CERKL: variants seen among roughly 807,000 people sequenced by gnomAD.
CERKL encodes CERK like autophagy regulator.
In CERKL, 61 loss-of-function variants were observed where a neutral mutation model predicts 63.4. The observed-to-expected ratio is 0.96, with a 90% CI of 0.78 to 1.19. The LOEUF (loss-of-function observed/expected upper bound fraction) is 1.19. CERKL is among the 50% of genes most tolerant of loss of function. The pLI is 0.00. For missense variants in CERKL, 675 were observed against 655.5 expected (o/e 1.03, Z -0.33); for synonymous variants, 250 against 230.5 (o/e 1.08, Z -0.77).
chr2:181,601,683 G>T (rs1414338224), intron 2 of CERKL, among the ~76,000 whole-genome samples: 1 of 152,224 alleles, frequency 6.6e-6, no homozygotes, highest in Admixed American at 6.5e-5. Flanking sequence ...GTCTTTGTGG[G>T]GAGTAGGATA....
At chr2:181,610,474 A>C (rs975142430) in intron 1 of CERKL, among the ~76,000 whole-genome samples, 6 of 152,232 alleles carry the variant, frequency 3.9e-5, no homozygotes, top group African/African-American at 1.4e-4. Context: ...TTATAATAAC[A>C]AAAGTATCTG....
intron 3 of CERKL, among the ~76,000 whole-genome samples, chr2:181,571,185 T>C (rs1688887500): frequency 6.6e-6 from 1 of 152,204 alleles, no homozygotes; most frequent in Admixed American, 6.6e-5. Context: ...TTTTCATAAA[T>C]ATTGAGCCAA....
At position 181,618,394 on chromosome 2, in the gene CERKL, G is replaced by T. The variant is rs557156281; in HGVS notation, c.239-14315C>A. Among the ~76,000 whole-genome samples the T allele has an allele frequency of 4.6e-5, 7 of 151,736 alleles. No individual in the cohort carries two copies. In the East Asian group the frequency reaches 1.4e-3, roughly 29 times the overall value. On this transcript the variant is annotated intron_variant, in intron 1 of 12. Coordinates refer to ENST00000410087, the MANE Select transcript of CERKL (RefSeq NM_201548.5). ...TATGTTATTTATGTTAATATGCAAT[G>T]AACTTACTGTTATTTTTATTTTTAT...
intron 1 of CERKL, among the ~76,000 whole-genome samples, chr2:181,613,029 C>T (rs1686038810): frequency 6.6e-6 from 1 of 152,110 alleles, no homozygotes; most frequent in Non-Finnish European, 1.5e-5. Flanking sequence ...AAGACGTAGT[C>T]TCTTAGTGAT....
chr2:181,617,465 G>A (rs1686247768), intron 1 of CERKL: 1 of 152,186 alleles, frequency 6.6e-6, no homozygotes, highest in Admixed American at 6.5e-5. Context: ...CAAAGCAACT[G>A]AGAGCTTTGT....
intron 1 of CERKL, among the ~76,000 whole-genome samples, chr2:181,607,871 G>A (rs1685783985): frequency 6.6e-6 from 1 of 152,178 alleles, no homozygotes; most frequent in Non-Finnish European, 1.5e-5. Flanking sequence ...CTTCACATAG[G>A]TGAATGCATA....
At chr2:181,538,294 T>A (rs554779592) in intron 12 of CERKL, 50 bp from the exon 13 acceptor site, 4 of 1,069,580 alleles carry the variant, frequency 3.7e-6, no homozygotes, top group African/African-American at 3.1e-5. Context: ...GTTTTTCACA[T>A]ACACCTAATA....
rs150781604 is a variant in CERKL at position 181,626,410 on chromosome 2, G to A, written c.239-22331C>T. On this transcript the variant is annotated intron_variant, in intron 1 of 12. Transcript: ENST00000410087. ...AAGGCACAGGAAGGAAAGAACAGCC[G>A]CCATTGAGATGGTGGCTCTGGTCAG... 3.3e-5 allele frequency among the ~76,000 whole-genome samples: 5 copies of A among 152,150 alleles called. No individual in the cohort carries two copies. The East Asian group carries it at 7.7e-4, about 24-fold the overall frequency.
At chr2:181,568,597 C>G (rs1447011224) in intron 3 of CERKL, among the ~76,000 whole-genome samples, 1 of 151,752 alleles carries the variant, frequency 6.6e-6, no homozygotes, top group Non-Finnish European at 1.5e-5. Flanking sequence ...ATCTAAAATC[C>G]AAAACGCTTC....
chr2:181,603,000 T>C (rs1685520736), intron 2 of CERKL: 1 of 161,334 alleles, frequency 6.2e-6, no homozygotes, highest in Non-Finnish European at 1.4e-5. Context: ...TACTTATGAA[T>C]TTTATTTAGT....
intron 5 of CERKL, among the ~76,000 whole-genome samples, chr2:181,557,018 G>T (rs1318201839): frequency 6.6e-6 from 1 of 152,136 alleles, no homozygotes; most frequent in South Asian, 2.1e-4. Flanking sequence ...TTTTTCATGT[G>T]TCTTTTGGCT....
rs200988565 is a variant in CERKL, at chr2:181,537,498, C to G, written c.*686G>C. On this transcript the variant is annotated 3_prime_UTR_variant, in exon 13 of 13. Transcript: ENST00000410087. ...ACAGGGATGGGTTATTCTTTTTTGG[C>G]AGGTAGGCTATATAACTATGTGATT... is the stretch of plus-strand genomic sequence containing the variant. 1 of 453,374 alleles carries G rather than the reference C, an allele frequency of 2.2e-6. No individual in the cohort carries two copies. Among genetic ancestry groups the G allele is most frequent in the Non-Finnish European group, 4.4e-6 (1 of 226,470 alleles). 28.1% of individuals were successfully genotyped at this position (453,374 alleles called of 1,614,324 possible). A position where few individuals can be genotyped will look rare whatever the true frequency, so the allele number is the denominator to read the frequency against.
At chr2:181,547,560 T>TG in intron 10 of CERKL, 58 bp downstream of exon 10, 1 of 1,407,878 alleles carries the variant, frequency 7.1e-7, no homozygotes, top group Non-Finnish European at 1.0e-6. Flanking sequence ...TTGGATACCC[T>TG]GGAAAAAAAA....
intron 5 of CERKL, among the ~76,000 whole-genome samples, 193 bp from the exon 6 acceptor site, chr2:181,549,901 T>G (rs1246375498): frequency 6.6e-6 from 1 of 152,232 alleles, no homozygotes; most frequent in East Asian, 1.9e-4. Flanking sequence ...ATCAAATGTC[T>G]ACACATTTGT....
intron 2 of CERKL, among the ~76,000 whole-genome samples, chr2:181,594,340 A>T (rs1237598317): frequency 6.6e-6 from 1 of 152,170 alleles, no homozygotes; most frequent in Non-Finnish European, 1.5e-5. Context: ...AGTGCCAGGA[A>T]CATATAAAAG....
rs879492418 is a variant in CERKL at position 181,550,825 on chromosome 2, T to C, written c.821-1117A>G. On this transcript the variant is annotated intron_variant, in intron 5 of 12. Coordinates refer to ENST00000410087, the MANE Select transcript of CERKL (RefSeq NM_201548.5). This position sits in a 1 kb window ranked among gnomAD's most constrained non-coding sequence, Gnocchi z 4.5. ...TAAGAATAAGCATATTTAATTATTATTAATTATAAATAAGCACAATTACTT... is the reference window on the plus strand; with the variant it reads ...TAAGAATAAGCATATTTAATTATTACTAATTATAAATAAGCACAATTACTT... 6.6e-5 allele frequency among the ~76,000 whole-genome samples: 10 copies of C among 152,144 alleles called. No homozygotes were observed. The highest frequency in any genetic ancestry group is 1.4e-4 in the African/African-American group (6 of 41,452).
chr2:181,624,660 C>A (rs1405657242), intron 1 of CERKL, among the ~76,000 whole-genome samples: 3 of 152,132 alleles, frequency 2.0e-5, no homozygotes, highest in Non-Finnish European at 4.4e-5. Flanking sequence ...CAAGTGGTGA[C>A]AATGATGCTG....
chr2:181,629,853 A>G (rs1462868085), intron 1 of CERKL, among the ~76,000 whole-genome samples: 2 of 151,830 alleles, frequency 1.3e-5, no homozygotes, highest in Non-Finnish European at 2.9e-5. Context: ...AATGTAAAAA[A>G]TTACCCATCT....
intron 1 of CERKL, among the ~76,000 whole-genome samples, chr2:181,621,707 A>G (rs188090403): frequency 5.9e-5 from 9 of 152,358 alleles, no homozygotes; most frequent in Non-Finnish European, 1.3e-4. Context: ...ATTTTGGAGA[A>G]AACATAAACA....
Sources: gnomAD v4.1 joint callset for allele counts (sites outside exome capture counted in the v4.1 genomes callset) on GRCh38, gnomAD v4.1.1 for gene constraint, Gnocchi (gnomAD v3.1) non-coding constraint, MANE v1.5 for transcripts, NCBI Gene and HGNC (gene_info 2026-07-23, HGNC 2026-07-21) for gene names.